ACAP2: variants seen among roughly 807,000 people sequenced by gnomAD.
ACAP2 encodes the protein arf-GAP with coiled-coil, ANK repeat and PH domain-containing protein 2.
Under a neutral mutation model 115.8 loss-of-function variants are expected in ACAP2, and 39 were observed. The observed-to-expected ratio is 0.34, with a 90% CI of 0.26 to 0.44. The LOEUF is 0.44. Ranked by LOEUF, ACAP2 falls within the 20% of genes least tolerant of loss-of-function variation. The probability of loss-of-function intolerance (pLI) is 1.00; values close to 1 mark genes in which losing one functional copy is unlikely to be tolerated. For synonymous variants in ACAP2, 289 were observed against 315.8 expected (o/e 0.92, Z 0.90); for missense variants, 662 against 927.6 (o/e 0.71, Z 3.72).
At chr3:195,415,557 G>A (rs377673640) in intron 1 of ACAP2, among the ~76,000 whole-genome samples, 364 of 152,252 alleles carry the variant, frequency 2.4e-3, no homozygotes, top group African/African-American at 8.4e-3. Context: ...TTACAGGCCT[G>A]AGCCACCATG....
chr3:195,396,907 C>A (rs939199223), intron 1 of ACAP2, among the ~76,000 whole-genome samples: 1 of 139,380 alleles, frequency 7.2e-6, no homozygotes, highest in African/African-American at 2.7e-5. Context: ...TTCATTCCAA[C>A]TTGGCAATAG....
intron 2 of ACAP2, 110 bp downstream of exon 2, chr3:195,391,980 G>T (rs1331783576): frequency 2.4e-6 from 2 of 836,436 alleles, no homozygotes; most frequent in Non-Finnish European, 3.8e-6. Context: ...GGGCGACAGA[G>T]TGAGACTCTG....
chr3:195,364,132 A>G (rs920848056), intron 4 of ACAP2, among the ~76,000 whole-genome samples: 2 of 152,232 alleles, frequency 1.3e-5, no homozygotes, highest in African/African-American at 4.8e-5. Context: ...AACCTTCTGC[A>G]TAGCAAAGGA....
chr3:195,439,275 T>C (rs1247922841), intron 1 of ACAP2, among the ~76,000 whole-genome samples: 5 of 147,876 alleles, frequency 3.4e-5, no homozygotes, highest in Non-Finnish European at 7.4e-5. Flanking sequence ...CATAACTCAC[T>C]GCAGCCTTGA....
intron 1 of ACAP2, among the ~76,000 whole-genome samples, chr3:195,436,617 A>G (rs890617943): frequency 8.5e-5 from 13 of 152,210 alleles, no homozygotes; most frequent in African/African-American, 3.1e-4. Context: ...TCATCCCTGA[A>G]ATTTTAATAA....
intron 18 of ACAP2, among the ~76,000 whole-genome samples, chr3:195,292,743 G>GAA (rs1227899327): frequency 6.6e-6 from 1 of 151,872 alleles, no homozygotes; most frequent in Non-Finnish European, 1.5e-5. Context: ...CCAACATGGT[G>GAA]AAACCTCGTC....
chr3:195,295,345 G>A (rs566852132), intron 17 of ACAP2: 212 of 1,188,810 alleles, frequency 1.8e-4, no homozygotes, highest in Non-Finnish European at 2.3e-4. Flanking sequence ...GCCATAAGAA[G>A]GGAAAAGGGC....
chr3:195,292,202 A>C, intron 19 of ACAP2, 63 bp downstream of exon 19: 1 of 1,494,892 alleles, frequency 6.7e-7, no homozygotes, highest in South Asian at 1.5e-5. Context: ...CCAGTTCAGA[A>C]CATATTATGA....
In ACAP2 at chr3:195,350,700, T is replaced by C. The variant is rs1052657926; in HGVS notation, c.286-5383A>G. On this transcript the variant is annotated intron_variant, in intron 4 of 22. Transcript: ENST00000326793. Reference sequence around the variant, plus strand: ...GCAAAAAGATCAATAAAGCAGAAATTACCCACGCATATGGTCAGCTTTTAT... The same window carrying C: ...GCAAAAAGATCAATAAAGCAGAAATCACCCACGCATATGGTCAGCTTTTAT... 4.6e-5 allele frequency among the ~76,000 whole-genome samples: 7 copies of C among 151,178 alleles called. No individual in the cohort carries two copies. The South Asian group carries it at 6.2e-4, about 13-fold the overall frequency.
intron 4 of ACAP2, chr3:195,356,006 A>T: frequency 2.3e-6 from 1 of 429,148 alleles, no homozygotes; most frequent in East Asian, 7.2e-5. Flanking sequence ...ACCAAATCTG[A>T]CAACCACCTA....
chr3:195,423,622 CAA>C (rs59649323), intron 1 of ACAP2, among the ~76,000 whole-genome samples: 27,038 of 91,946 alleles, frequency 0.29, 3,003 homozygotes, highest in East Asian at 0.67. Context: ...GACTCCGTCT[CAA>C]AAAAAAAAAA....
intron 5 of ACAP2, among the ~76,000 whole-genome samples, chr3:195,343,879 T>C (rs781435992): frequency 1.3e-5 from 2 of 152,220 alleles, no homozygotes; most frequent in Admixed American, 6.5e-5. Flanking sequence ...TAAACTGTTA[T>C]GTGTGCATTC....
chr3:195,344,918 A>G (rs1427258912), intron 5 of ACAP2, among the ~76,000 whole-genome samples: 3 of 152,272 alleles, frequency 2.0e-5, no homozygotes, highest in Admixed American at 6.5e-5. Context: ...AGTTTCAACT[A>G]CAATAACTAA....
chr3:195,327,042 GATAA>G, intron 8 of ACAP2, 83 bp from the exon 9 acceptor site: 1 of 1,227,050 alleles, frequency 8.1e-7, no homozygotes, highest in African/African-American at 1.5e-5. Flanking sequence ...TCATTTCACA[GATAA>G]ATAAAAAATC....
chr3:195,328,872 G>A (rs1356968723), intron 8 of ACAP2, among the ~76,000 whole-genome samples: 1 of 152,212 alleles, frequency 6.6e-6, no homozygotes, highest in Non-Finnish European at 1.5e-5. Context: ...AAGGTCAGTA[G>A]ATCGAGACCA....
intron 22 of ACAP2, chr3:195,279,734 G>A (rs1726365592): frequency 5.6e-6 from 1 of 177,240 alleles, no homozygotes. Context: ...CACACGGGGG[G>A]GAAAAGTCAT....
At chr3:195,297,639 G>A (rs1442682999) in intron 15 of ACAP2, among the ~76,000 whole-genome samples, 13 of 152,174 alleles carry the variant, frequency 8.5e-5, no homozygotes, top group Non-Finnish European at 1.8e-4. Context: ...TATCTACACA[G>A]TAAGGTGCAG....
At chr3:195,306,787 G>A (rs1048946988) in intron 12 of ACAP2, 171 bp from the exon 13 acceptor site, 8 of 429,244 alleles carry the variant, frequency 1.9e-5, no homozygotes, top group African/African-American at 8.6e-5. Context: ...GTATGTTAAC[G>A]AAGAAATTAA....
chr3:195,370,387 A>AGT (rs1227244550), intron 4 of ACAP2, among the ~76,000 whole-genome samples: 1 of 152,120 alleles, frequency 6.6e-6, no homozygotes, highest in African/African-American at 2.4e-5. Flanking sequence ...TTTACACTCG[A>AGT]GTCTTTAATC....
Sources: gnomAD v4.1 joint callset for allele counts (sites outside exome capture counted in the v4.1 genomes callset) on GRCh38, gnomAD v4.1.1 for gene constraint, MANE v1.5 for transcripts, NCBI Gene and HGNC (gene_info 2026-07-23, HGNC 2026-07-21) for gene names.